The following FAM120B variants were observed in gnomAD, a reference collection of about 807,000 sequenced individuals.
FAM120B encodes the protein family with sequence similarity 120 member B.
In FAM120B, 83 loss-of-function variants were observed where a neutral mutation model predicts 96.3. The ratio of observed to expected loss-of-function variants is 0.86; its 90% CI spans 0.72 to 1.03. The LOEUF is 1.03. FAM120B is among the 50% of genes least tolerant of loss of function. The pLI is 0.00. For synonymous variants in FAM120B, 407 were observed against 402.7 expected, an observed-to-expected ratio of 1.01 and a Z score of -0.13; for missense variants, 1,027 against 1,121.2, an observed-to-expected ratio of 0.92 and a Z score of 1.20.
rs1329291872 is a variant in FAM120B at position 170,348,134 on chromosome 6, C to CTTTTTT, written c.2018-15_2018-10dup. The CTTTTTT allele has an allele frequency of 1.9e-6, 3 of 1,607,926 alleles. No individual in the cohort carries two copies. Among genetic ancestry groups the CTTTTTT allele is most frequent in the African/African-American group, 1.3e-5 (1 of 74,626 alleles). On this transcript the variant is annotated splice_polypyrimidine_tract_variant and intron_variant, in intron 4 of 10. Coordinates refer to ENST00000476287, the MANE Select transcript of FAM120B (RefSeq NM_032448.3). ...GCTGCAAAGAACAATAGTTAATGGA[C>CTTTTTT]TTTTTTTCTTAACTAGGGGGAACGC... is the stretch of plus-strand genomic sequence containing the variant.
rs758651507 is a variant in FAM120B, at chr6:170,393,297, C to T, written c.2599+2176C>T. On this transcript the variant is annotated intron_variant, in intron 8 of 10. Coordinates refer to ENST00000476287, the MANE Select transcript of FAM120B (RefSeq NM_032448.3). ...GCTGCTTAGGTGGCAGTAGGCGTGG[C>T]GGTTGTCAGGCCAAACTCCTCTTTC... Among the ~76,000 whole-genome samples the T allele has an allele frequency of 1.1e-3, 173 of 152,260 alleles. 1 individual carries two copies. Among genetic ancestry groups the T allele is most frequent in the Middle Eastern group, 3.4e-3 (1 of 294 alleles).
chr6:170,364,749 T>G (rs1255034705), intron 6 of FAM120B, among the ~76,000 whole-genome samples: 1 of 152,250 alleles, frequency 6.6e-6, no homozygotes, highest in Middle Eastern at 3.4e-3. Flanking sequence ...CAGAGGCTGG[T>G]GCTGCTGAAA....
At chr6:170,384,802 G>A (rs1361279591) in intron 6 of FAM120B, among the ~76,000 whole-genome samples, 3 of 152,208 alleles carry the variant, frequency 2.0e-5, no homozygotes, top group African/African-American at 7.2e-5. Flanking sequence ...TTTTTAAAGG[G>A]TTGGTTTAAA....
chr6:170,372,741 T>C (rs1042902203), intron 6 of FAM120B, among the ~76,000 whole-genome samples: 1 of 152,202 alleles, frequency 6.6e-6, no homozygotes, highest in Non-Finnish European at 1.5e-5. Flanking sequence ...GAGGAGTAGC[T>C]GGACATGAGT....
At position 170,361,222 on chromosome 6, in the gene FAM120B, A is replaced by ATATATATATACACG. The variant is rs1554286439; in HGVS notation, c.2283+2914_2283+2915insCACGTATATATATA. Among the ~76,000 whole-genome samples, 232 of 101,928 alleles carry ATATATATATACACG rather than the reference A, an allele frequency of 2.3e-3. 4 individuals are homozygous for ATATATATATACACG. The highest frequency in any genetic ancestry group is 6.6e-3 in the African/African-American group (195 of 29,726). 66.9% of individuals were successfully genotyped at this position (101,928 alleles called of 152,430 possible). A position where few individuals can be genotyped will look rare whatever the true frequency, so the allele number is the denominator to read the frequency against. ...TGTATATATATATATATATATATAT[A>ATATATATATACACG]TATATATATATATACACGTATATAT... On this transcript the variant is annotated intron_variant, in intron 6 of 10. Coordinates refer to ENST00000476287, the MANE Select transcript of FAM120B (RefSeq NM_032448.3).
intron 4 of FAM120B, among the ~76,000 whole-genome samples, chr6:170,331,151 G>A (rs1786009219): frequency 6.6e-6 from 1 of 152,196 alleles, no homozygotes; most frequent in African/African-American, 2.4e-5. Context: ...CTTTCTTTCT[G>A]TGAGTTCGTA....
rs577814636 is a variant in FAM120B at position 170,395,730 on chromosome 6, T to C, written c.2692+151T>C. The C allele has an allele frequency of 9.6e-6, 6 of 623,430 alleles. No homozygotes were observed. In the East Asian group the frequency reaches 1.1e-4, roughly 12 times the overall value. The allele number at this position is 623,430 out of a possible 1,614,324, so 38.6% of individuals were successfully genotyped here. ...AATATACCAATGCATCTAATTTTTA[T>C]CATTTAGTGAAATAAAGACAAATAA... On this transcript the variant is annotated intron_variant, in intron 9 of 10. Transcript: ENST00000476287.
In FAM120B at chr6:170,395,603, G is replaced by A. The variant is rs777065958; in HGVS notation, c.2692+24G>A. ...AGGTAAGAAGGCCAGTGGTCACTCT[G>A]CTGGGCCACCTGCATGGCACTGCCT... On this transcript the variant is annotated intron_variant, in intron 9 of 10. Coordinates refer to ENST00000476287, the MANE Select transcript of FAM120B (RefSeq NM_032448.3). 10 of 1,538,754 alleles carry A rather than the reference G, an allele frequency of 6.5e-6. No homozygotes were observed. The East Asian group carries it at 2.1e-4, about 33-fold the overall frequency.
At chr6:170,328,222 T>A (rs893816217) in intron 3 of FAM120B, among the ~76,000 whole-genome samples, 3 of 152,232 alleles carry the variant, frequency 2.0e-5, no homozygotes, top group Non-Finnish European at 2.9e-5. Context: ...ATTAGAAAAA[T>A]TTTTAACTCT....
At chr6:170,291,017 G>C (rs1187277056), upstream of FAM120B, 2 of 701,918 alleles carry the variant, frequency 2.8e-6, no homozygotes, top group Non-Finnish European at 5.2e-6. Flanking sequence ...AATCTGGCGA[G>C]AGCTGTCACA....
chr6:170,299,981 A>G (rs1338213184), intron 1 of FAM120B, among the ~76,000 whole-genome samples: 1 of 152,260 alleles, frequency 6.6e-6, no homozygotes, highest in Non-Finnish European at 1.5e-5. Context: ...TTTTATCAGC[A>G]ATAAAACACT....
intron 3 of FAM120B, among the ~76,000 whole-genome samples, chr6:170,326,524 C>T (rs1419062737): frequency 1.3e-5 from 2 of 152,136 alleles, no homozygotes; most frequent in East Asian, 1.9e-4. Context: ...CCCTATAATA[C>T]ATGAGGGGTT....
rs1785048150 is a variant in FAM120B at position 170,318,451 on chromosome 6, C to T, written c.1061C>T (p.Pro354Leu). Residue 354 changes from proline (P) to leucine (L), a missense_variant, in exon 2 of 11, where the codon CCC becomes CTC. Around this residue, in one of 3 missense-constraint regions of FAM120B, gnomAD observed 880 missense variants for 980.9 expected, o/e 0.90. Coordinates refer to ENST00000476287, the MANE Select transcript of FAM120B (RefSeq NM_032448.3). ...GATGCTGAATCCAGGCAAGAAGTTCCCATGTGTACAGGCCCTGAATCCAGG... is the reference window on the plus strand; with the variant it reads ...GATGCTGAATCCAGGCAAGAAGTTCTCATGTGTACAGGCCCTGAATCCAGG... ...CSDAESRQEV[P>L]MCTGPESRRE... 1.2e-6 allele frequency: 2 copies of T among 1,607,016 alleles called. No individual in the cohort carries two copies. The highest frequency in any genetic ancestry group is 1.7e-6 in the Non-Finnish European group (2 of 1,175,472).
Position 170,385,688 on chromosome 6 carries a change from C to T in FAM120B, c.2284-2599C>T, listed in dbSNP as rs143711722. 2.2e-3 allele frequency among the ~76,000 whole-genome samples: 329 copies of T among 152,254 alleles called. 2 individuals are homozygous for T. Among genetic ancestry groups the T allele is most frequent in the Middle Eastern group, 0.014 (4 of 294 alleles). On this transcript the variant is annotated intron_variant, in intron 6 of 10. Coordinates refer to ENST00000476287, the MANE Select transcript of FAM120B (RefSeq NM_032448.3). The stretch of plus-strand genomic sequence containing the variant: ...CACCACAACCTGTACATAGAAGTTT[C>T]GGCAACCCTATTCATAACTACCAAA...
At chr6:170,307,626 G>A (rs1451146871) in intron 1 of FAM120B, among the ~76,000 whole-genome samples, 1 of 152,220 alleles carries the variant, frequency 6.6e-6, no homozygotes, top group African/African-American at 2.4e-5. Context: ...TAGGAGTTGA[G>A]CATTTGTGAG....
intron 1 of FAM120B, among the ~76,000 whole-genome samples, chr6:170,297,605 C>A (rs2114976879): frequency 7.1e-6 from 1 of 141,692 alleles, no homozygotes; most frequent in South Asian, 2.6e-4. Flanking sequence ...AGTTATTCAA[C>A]TTTCCACCTG....
At chr6:170,354,779 AT>A (rs200545260) in intron 5 of FAM120B, among the ~76,000 whole-genome samples, 2 of 147,322 alleles carry the variant, frequency 1.4e-5, no homozygotes, top group East Asian at 4.3e-4. Context: ...AAAAAAAAAA[AT>A]TAGCCAGGAG....
upstream of FAM120B, chr6:170,306,536 G>T (rs562746045): frequency 1.2e-4 from 19 of 152,392 alleles, no homozygotes; most frequent in African/African-American, 4.6e-4. Context: ...CTGACTGCGC[G>T]ACCCGAGGTC....
At chr6:170,392,768 C>T (rs1428107364) in intron 8 of FAM120B, among the ~76,000 whole-genome samples, 1 of 152,164 alleles carries the variant, frequency 6.6e-6, no homozygotes, top group East Asian at 1.9e-4. Context: ...CAGATGCACC[C>T]AGATCCCACC....
Sources: allele counts gnomAD v4.1 joint callset (sites outside exome capture counted in the v4.1 genomes callset), GRCh38; gene constraint gnomAD v4.1.1; regional missense constraint gnomAD v4.1.1; transcripts MANE v1.5; gene names NCBI Gene and HGNC (gene_info 2026-07-23, HGNC 2026-07-21).